The following AFM variants were observed in gnomAD, a reference collection of about 807,000 sequenced individuals.
The protein encoded by AFM is afamin, also known as alpha-Alb.
In AFM, 82 loss-of-function variants were observed where a neutral mutation model predicts 68.7. The observed-to-expected ratio is 1.19, with a 90% CI of 1.00 to 1.43. The LOEUF is 1.43. Ranked by LOEUF, AFM falls within the 40% of genes most tolerant of loss-of-function variation. The probability of loss-of-function intolerance (pLI) is 0.00; values close to 1 mark genes in which losing one functional copy is unlikely to be tolerated. For synonymous variants in AFM, 250 were observed against 234.2 expected (o/e 1.07, Z -0.61); for missense variants, 772 against 701.8 (o/e 1.10, Z -1.13).
chr4:73,495,650 A>G (rs571328051), intron 9 of AFM, among the ~76,000 whole-genome samples: 1 of 152,326 alleles, frequency 6.6e-6, no homozygotes, highest in South Asian at 2.1e-4. Flanking sequence ...GTGTTAATTC[A>G]AAAAAGTCTT....
intron 10 of AFM, among the ~76,000 whole-genome samples, chr4:73,497,997 TGAC>T (rs1721304925): frequency 6.6e-6 from 1 of 152,242 alleles, no homozygotes; most frequent in African/African-American, 2.4e-5. Flanking sequence ...GGTTTCTGTT[TGAC>T]ATTGGCTTTC....
At chr4:73,482,130 A>T (rs1001888099) in intron 1 of AFM, among the ~76,000 whole-genome samples, 1 of 152,208 alleles carries the variant, frequency 6.6e-6, no homozygotes, top group Non-Finnish European at 1.5e-5. Context: ...TGTTGCTGGG[A>T]GATACATTTG....
chr4:73,503,047 C>G lies in AFM; in HGVS notation c.1780-3C>G. The G allele has an allele frequency of 6.2e-7, 1 of 1,613,050 alleles. No individual in the cohort carries two copies. Among genetic ancestry groups the G allele is most frequent in the Non-Finnish European group, 8.5e-7 (1 of 1,179,280 alleles). ...GTGTTTTTATTTCCATCCCTCACCTCAGAGTCCAAAAATTGGCAACTGAAG... is the reference window on the plus strand; with the variant it reads ...GTGTTTTTATTTCCATCCCTCACCTGAGAGTCCAAAAATTGGCAACTGAAG... On this transcript the variant is annotated splice_region_variant and splice_polypyrimidine_tract_variant and intron_variant, in intron 13 of 14. Coordinates refer to ENST00000226355, the MANE Select transcript of AFM (RefSeq NM_001133.2).
Position 73,486,158 on chromosome 4 carries a change from G to A in AFM, c.482+85G>A, listed in dbSNP as rs112699081. The A allele has an allele frequency of 6.4e-4, 721 of 1,123,198 alleles. 3 individuals are homozygous for A. The African/African-American group carries it at 0.011, about 16-fold the overall frequency. 69.6% of individuals were successfully genotyped at this position (1,123,198 alleles called of 1,614,324 possible). On this transcript the variant is annotated intron_variant, in intron 4 of 14. Transcript: ENST00000226355. Reference sequence around the variant, plus strand: ...ATATCTATCTCAAATAAATATGGCTGGGTTCATTAATTTATTGATTAATTG... The same window carrying A: ...ATATCTATCTCAAATAAATATGGCTAGGTTCATTAATTTATTGATTAATTG...
At chr4:73,488,515 C>G (rs1720974585) in intron 6 of AFM, 115 bp from the exon 7 acceptor site, 1 of 861,632 alleles carries the variant, frequency 1.2e-6, no homozygotes, top group Admixed American at 3.0e-5. Context: ...AAAACAACAA[C>G]AACAGCAATG....
chr4:73,486,130 C>A, intron 4 of AFM, 57 bp downstream of exon 4: 4 of 1,366,454 alleles, frequency 2.9e-6, no homozygotes, highest in Non-Finnish European at 4.1e-6. Flanking sequence ...TAGGCTGAAT[C>A]TAATATCTAT....
chr4:73,490,312 G>T (rs1045932230), intron 7 of AFM, among the ~76,000 whole-genome samples: 1 of 152,100 alleles, frequency 6.6e-6, no homozygotes, highest in South Asian at 2.1e-4. Context: ...ATGGACAACA[G>T]ATGTTCCCAA....
intron 7 of AFM, among the ~76,000 whole-genome samples, chr4:73,489,052 G>A (rs902603728): frequency 6.6e-6 from 1 of 152,112 alleles, no homozygotes; most frequent in Non-Finnish European, 1.5e-5. Flanking sequence ...ACAGATTGAA[G>A]TTTTCTCTTA....
At chr4:73,484,416 TC>T in intron 3 of AFM, 26 bp downstream of exon 3, 3 of 1,474,166 alleles carry the variant, frequency 2.0e-6, no homozygotes, top group Non-Finnish European at 2.7e-6. Context: ...GTGTTTCTTT[TC>T]CTTTTATCTT....
At position 73,500,178 on chromosome 4, in the gene AFM, G is replaced by A. The variant is rs1721389551; in HGVS notation, c.1597G>A (p.Ala533Thr). ...CTCTCAAGATTTATTTACCTTTCAC[G>A]CAGACATGTGTCAATCTCAGAATGA... ...PFSQDLFTFH[A>T]DMCQSQNEEL... Residue 533 changes from alanine (A) to threonine (T), a missense_variant, in exon 12 of 15, where the codon GCA becomes ACA. Physicochemically the swap from Ala to Thr is moderately conservative, Grantham distance 58 (BLOSUM62 0). Coordinates refer to ENST00000226355, the MANE Select transcript of AFM (RefSeq NM_001133.2). The A allele has an allele frequency of 3.7e-6, 6 of 1,613,728 alleles. No individual in the cohort carries two copies. Among genetic ancestry groups the A allele is most frequent in the Middle Eastern group, 1.7e-4 (1 of 6,060 alleles).
intron 7 of AFM, among the ~76,000 whole-genome samples, chr4:73,490,061 C>G (rs1721027869): frequency 6.6e-6 from 1 of 151,718 alleles, no homozygotes; most frequent in South Asian, 2.1e-4. Flanking sequence ...TAGGTTGCAC[C>G]TGTAATTGCA....
intron 1 of AFM, among the ~76,000 whole-genome samples, chr4:73,483,498 G>A (rs984753065): frequency 1.2e-4 from 19 of 152,216 alleles, no homozygotes; most frequent in Middle Eastern, 3.2e-3. Context: ...GACCTAAATA[G>A]CTGTGACTGA....
intron 14 of AFM, 90 bp downstream of exon 14, chr4:73,503,200 T>C: frequency 9.9e-7 from 1 of 1,011,470 alleles, no homozygotes; most frequent in South Asian, 1.4e-5. Flanking sequence ...TTTGTCTATT[T>C]CTGGTTCATC....
chr4:73,496,814 G>C (rs1368974230), intron 9 of AFM, among the ~76,000 whole-genome samples: 2 of 152,010 alleles, frequency 1.3e-5, no homozygotes, highest in African/African-American at 4.8e-5. Context: ...ATACATATTA[G>C]AGAAATTAAT....
chr4:73,497,859 A>C, intron 10 of AFM, 110 bp downstream of exon 10: 1 of 571,208 alleles, frequency 1.8e-6, no homozygotes, highest in South Asian at 3.3e-5. Flanking sequence ...CCGATTCATA[A>C]ACTCTTGGAA....
chr4:73,499,065 A>G (rs1240434495), intron 10 of AFM, 49 bp from the exon 11 acceptor site: 3 of 1,580,472 alleles, frequency 1.9e-6, no homozygotes, highest in Non-Finnish European at 2.6e-6. Context: ...TTCAAGGGAA[A>G]ATGGGTATCT....
intron 8 of AFM, among the ~76,000 whole-genome samples, chr4:73,494,099 C>T (rs2149345364): frequency 6.6e-6 from 1 of 151,820 alleles, no homozygotes; most frequent in South Asian, 2.1e-4. Context: ...TACTCCCCCA[C>T]TCCCAGAGAA....
chr4:73,497,809 G>A (rs1417125577), intron 10 of AFM, 60 bp downstream of exon 10: 12 of 1,098,640 alleles, frequency 1.1e-5, no homozygotes, highest in African/African-American at 8.2e-5. Context: ...ATAATCCCTC[G>A]AAGCGTAAAA....
rs552518438 is a variant in AFM at position 73,499,986 on chromosome 4, CA to C, written c.1423-16del. On this transcript the variant is annotated splice_polypyrimidine_tract_variant and intron_variant, in intron 11 of 14. Coordinates refer to ENST00000226355, the MANE Select transcript of AFM (RefSeq NM_001133.2). ...AAGTTTTAAGATCGTATCTCAGTTG[CA>C]ACTCTTGTTGGTACAGGCAGATTTA... 940 of 1,601,360 alleles carry C rather than the reference CA, an allele frequency of 5.9e-4. 5 individuals are homozygous for C. The Middle Eastern group carries it at 7.1e-3, about 12-fold the overall frequency.
Sources: gnomAD v4.1 joint callset for allele counts (sites outside exome capture counted in the v4.1 genomes callset) on GRCh38, gnomAD v4.1.1 for gene constraint, MANE v1.5 for transcripts, NCBI Gene and HGNC (gene_info 2026-07-23, HGNC 2026-07-21) for gene names.